The following IL13RA1 variants were observed in gnomAD, a reference collection of about 807,000 sequenced individuals.
IL13RA1 encodes interleukin-13 receptor subunit alpha-1.
Under a neutral mutation model 33.8 loss-of-function variants are expected in IL13RA1, and 14 were observed. The observed-to-expected ratio is 0.41, with a 90% CI of 0.27 to 0.65. IL13RA1 has a LOEUF of 0.65. Ranked by LOEUF, IL13RA1 falls within the 30% of genes least tolerant of loss-of-function variation. IL13RA1 has a pLI of 0.28. For synonymous variants in IL13RA1, 116 were observed against 115.7 expected (o/e 1.00, Z -0.02); for missense variants, 313 against 327.0 (o/e 0.96, Z 0.33).
chrX:118,739,027 A>G lies in IL13RA1; in HGVS notation c.89-1990A>G, dbSNP rs905976808. On this transcript the variant is annotated intron_variant, in intron 1 of 10. Coordinates refer to ENST00000371666, the MANE Select transcript of IL13RA1 (RefSeq NM_001560.3). ...GGTCCCGAACTCATGATCTCAAGTG[A>G]TCCAACCGCCTCAGCCTCCCAAAGT... is the stretch of plus-strand genomic sequence containing the variant. 2.7e-5 allele frequency among the ~76,000 whole-genome samples: 3 copies of G among 110,836 alleles called. No homozygotes were observed. The Admixed American group carries it at 2.9e-4, about 11-fold the overall frequency.
In IL13RA1 at chrX:118,761,309, G is replaced by T; in HGVS notation, c.828+20G>T. On this transcript the variant is annotated intron_variant, in intron 6 of 10. Transcript: ENST00000371666. Reference sequence around the variant, plus strand: ...TTCTACGTAAGGTTTTAAAATTATTGTTTTTATTTGGCTATTTTTCTTTTA... The same window carrying T: ...TTCTACGTAAGGTTTTAAAATTATTTTTTTTATTTGGCTATTTTTCTTTTA... The T allele has an allele frequency of 1.2e-6, 1 of 829,447 alleles. No individual in the cohort carries two copies. The highest frequency in any genetic ancestry group is 1.7e-6 in the Non-Finnish European group (1 of 592,707). 68.4% of individuals were successfully genotyped at this position (829,447 alleles called of 1,213,427 possible).
rs1385637525 is a variant in IL13RA1 at position 118,773,895 on chromosome X, C to T, written c.1026C>T (p.Ser342=). The T allele has an allele frequency of 5.8e-6, 6 of 1,027,807 alleles. No homozygotes were observed. In the African/African-American group the frequency reaches 9.3e-5, roughly 16 times the overall value. 84.7% of individuals were successfully genotyped at this position (1,027,807 alleles called of 1,213,427 possible). The change falls in exon 9 of 11, where the codon TCC becomes TCT. Residue 342 remains serine, a synonymous_variant. Transcript: ENST00000371666. ...ATTCTCCAGGTAAGAAGCGCAATTC[C>T]ACACTCTACATAACCATGTTACTCA... is the stretch of plus-strand genomic sequence containing the variant. The part of the protein sequence containing the change: ...QEMSIGKKRN[S]TLYITMLLIV...
intron 10 of IL13RA1, among the ~76,000 whole-genome samples, chrX:118,784,140 T>TATAC (rs1556373176): frequency 4.3e-5 from 4 of 93,355 alleles, no homozygotes; most frequent in East Asian, 3.4e-4. Context: ...TATATATATA[T>TATAC]ATATATACGT....
At chrX:118,759,589 T>C (rs1371253968) in intron 5 of IL13RA1, among the ~76,000 whole-genome samples, 1 of 110,456 alleles carries the variant, frequency 9.1e-6, no homozygotes, top group African/African-American at 3.3e-5. Flanking sequence ...TTTTAAGTCT[T>C]ATTTTGCTGT....
rs2147407653 is a variant in IL13RA1 at position 118,793,038 on chromosome X, A to ACCAGT, written c.*1186_*1190dup. 9.1e-6 allele frequency: 1 copy of ACCAGT among 109,498 alleles called. No individual in the cohort carries two copies. Among genetic ancestry groups the ACCAGT allele is most frequent in the South Asian group, 4.0e-4 (1 of 2,529 alleles). 9.0% of individuals were successfully genotyped at this position (109,498 alleles called of 1,213,427 possible). A position where few individuals can be genotyped will look rare whatever the true frequency, so the allele number is the denominator to read the frequency against. On this transcript the variant is annotated 3_prime_UTR_variant, in exon 11 of 11. Transcript: ENST00000371666. ...CTTGCCACTTTTTTTTTTAATCTCC[A>ACCAGT]CCAGTCATTTTTCAGACCTTTTAAC...
intron 6 of IL13RA1, among the ~76,000 whole-genome samples, chrX:118,765,616 G>A (rs2017639454): frequency 8.9e-6 from 1 of 112,010 alleles, no homozygotes; most frequent in Admixed American, 9.5e-5. Context: ...TCTTATGAAC[G>A]TTCACATACT....
chrX:118,743,157 A>G (rs1279502048), intron 2 of IL13RA1, among the ~76,000 whole-genome samples: 2 of 111,704 alleles, frequency 1.8e-5, no homozygotes, highest in African/African-American at 6.5e-5. Flanking sequence ...ACCTTTTTCA[A>G]GTTTATCATC....
the IL13RA1 span, among the ~76,000 whole-genome samples, chrX:118,804,707 G>A: frequency 8.9e-6 from 1 of 112,011 alleles, no homozygotes; most frequent in South Asian, 3.7e-4. Context: ...CTGTGGTCAA[G>A]TGTGTGCTTT....
the IL13RA1 span, among the ~76,000 whole-genome samples, chrX:118,803,901 CCTTCCTTCCTTCCTTCCTTCCT>C: frequency 1.1e-5 from 1 of 92,014 alleles, no homozygotes; most frequent in African/African-American, 4.1e-5. Context: ...TTCCTTCCTT[CCTTCCTTCCTTCCTTCCTTCCT>C]CTCTCTCTTT....
chrX:118,801,126 T>C, the IL13RA1 span, among the ~76,000 whole-genome samples: 1 of 112,714 alleles, frequency 8.9e-6, no homozygotes, highest in East Asian at 2.8e-4. Flanking sequence ...TGTCTAAATA[T>C]AATCTTCACA....
At chrX:118,804,965 G>A in the IL13RA1 span, among the ~76,000 whole-genome samples, 37,514 of 110,643 alleles carry the variant, frequency 0.34, 4,677 homozygotes, top group East Asian at 0.51. Flanking sequence ...GAAAGTATCC[G>A]GGATCTGAAA....
chrX:118,781,436 T>C (rs1211662420), intron 10 of IL13RA1, among the ~76,000 whole-genome samples: 1 of 111,364 alleles, frequency 9.0e-6, no homozygotes, highest in Non-Finnish European at 1.9e-5. Flanking sequence ...CACTGCAAAC[T>C]TTGCCTCCCA....
intron 6 of IL13RA1, among the ~76,000 whole-genome samples, chrX:118,762,315 C>T (rs760502822): frequency 2.7e-5 from 3 of 112,312 alleles, no homozygotes; most frequent in Non-Finnish European, 3.8e-5. Context: ...AGTGTGTGTC[C>T]ATAAGATGGC....
At chrX:118,752,322 C>T (rs983140805) in intron 4 of IL13RA1, among the ~76,000 whole-genome samples, 1 of 111,519 alleles carries the variant, frequency 9.0e-6, no homozygotes, top group Non-Finnish European at 1.9e-5. Flanking sequence ...CCGCAGCAAA[C>T]TTCTTTCAGT....
At chrX:118,799,575 G>C in the IL13RA1 span, among the ~76,000 whole-genome samples, 2 of 111,135 alleles carry the variant, frequency 1.8e-5, no homozygotes, top group African/African-American at 6.6e-5. Flanking sequence ...TTTATGTCTA[G>C]CTCAGGGATT....
At chrX:118,757,678 CTTTTTTTTTTTTTT>C (rs765835021) in intron 4 of IL13RA1, among the ~76,000 whole-genome samples, 628 of 58,328 alleles carry the variant, frequency 0.011, 13 homozygotes, top group African/African-American at 0.044. Context: ...AGAATTCTGC[CTTTTTTTTTTTTTT>C]TTTTTTTTTT....
intron 10 of IL13RA1, among the ~76,000 whole-genome samples, chrX:118,781,150 GA>G (rs1379712466): frequency 9.1e-6 from 1 of 109,789 alleles, no homozygotes; most frequent in African/African-American, 3.3e-5. Context: ...GAGGTAAGGG[GA>G]GTTGCAGAGG....
intron 8 of IL13RA1, among the ~76,000 whole-genome samples, 166 bp from the exon 9 acceptor site, chrX:118,773,713 A>C (rs1038778938): frequency 1.8e-5 from 2 of 110,043 alleles, no homozygotes; most frequent in Non-Finnish European, 3.8e-5. Context: ...TTTTTTTTTT[A>C]AACTATTAAT....
intron 10 of IL13RA1, among the ~76,000 whole-genome samples, chrX:118,788,975 A>AT: frequency 8.9e-6 from 1 of 112,116 alleles, no homozygotes; most frequent in Non-Finnish European, 1.9e-5. Context: ...GGAATTTCAG[A>AT]TTTTTGCGTT....
Sources: allele counts gnomAD v4.1 joint callset (sites outside exome capture counted in the v4.1 genomes callset), GRCh38; gene constraint gnomAD v4.1.1; transcripts MANE v1.5; gene names NCBI Gene and HGNC (gene_info 2026-07-23, HGNC 2026-07-21).